GATAD2A: variants seen among roughly 807,000 people sequenced by gnomAD.
The protein encoded by GATAD2A is GATA zinc finger domain containing 2A.
Under a neutral mutation model 68.5 loss-of-function variants are expected in GATAD2A, and 12 were observed. The ratio of observed to expected loss-of-function variants is 0.18; its 90% CI spans 0.11 to 0.28. The LOEUF (loss-of-function observed/expected upper bound fraction) is 0.28, where lower values mean the gene tolerates loss of function less well. Among genes scored for constraint, GATAD2A ranks in the 10% least tolerant of loss-of-function variants. The probability of loss-of-function intolerance (pLI) is 1.00; values close to 1 mark genes in which losing one functional copy is unlikely to be tolerated. For missense variants in GATAD2A, 755 were observed against 868.5 expected (o/e 0.87, Z 1.64); for synonymous variants, 410 against 375.3 (o/e 1.09, Z -1.07).
chr19:19,393,110 G>A (rs1188136267), intron 1 of GATAD2A, among the ~76,000 whole-genome samples: 1 of 152,160 alleles, frequency 6.6e-6, no homozygotes, highest in Non-Finnish European at 1.5e-5. Flanking sequence ...TTTGAGACCA[G>A]CCTGGCCAAA....
rs1032933229 is a variant in GATAD2A, at chr19:19,505,454, C to G, written c.1885C>G (p.Gln629Glu). 1 of 1,605,344 alleles carries G rather than the reference C, an allele frequency of 6.2e-7. No individual in the cohort carries two copies. ...CATGATCCCACCCCGCTCCATCCCC[C>G]AGTCAGCCACGTGGAAATAGTGCGA... Reference protein sequence around the residue: ...LDMIPPRSIPQSATWK With the variant: ...LDMIPPRSIPESATWK The change falls in exon 12 of 12, where the codon CAG becomes GAG. Residue 629 changes from glutamine to glutamate, a missense_variant. Coordinates refer to ENST00000683918, the MANE Select transcript of GATAD2A (RefSeq NM_001384528.1).
chr19:19,495,819 G>A lies in GATAD2A; in HGVS notation c.690G>A (p.Ala230=), dbSNP rs373244814. 3.3e-5 allele frequency: 53 copies of A among 1,613,530 alleles called. No homozygotes were observed. The highest frequency in any genetic ancestry group is 4.2e-5 in the Non-Finnish European group (49 of 1,179,854). The change falls in exon 6 of 12, where the codon GCG becomes GCA. Residue 230 remains alanine (A), a synonymous_variant. Coordinates refer to ENST00000683918, the MANE Select transcript of GATAD2A (RefSeq NM_001384528.1). ...PPPLVRGGQQ[A]SSKLGPQASS... ...CCCTGGTCCGAGGTGGGCAGCAGGC[G>A]TCCTCGAAGCTGGGGCCACAGGCGA... is the stretch of plus-strand genomic sequence containing the variant.
At chr19:19,496,863 G>A (rs1448999048) in intron 7 of GATAD2A, among the ~76,000 whole-genome samples, 2 of 152,306 alleles carry the variant, frequency 1.3e-5, no homozygotes, top group East Asian at 1.9e-4. Flanking sequence ...GTTGGTGGGC[G>A]TGTTCGCTCT....
At chr19:19,466,936 A>C (rs1037259280) in intron 2 of GATAD2A, among the ~76,000 whole-genome samples, 1 of 152,178 alleles carries the variant, frequency 6.6e-6, no homozygotes, top group African/African-American at 2.4e-5. Context: ...GAAGAGGAGG[A>C]GTCCATGTTC....
chr19:19,501,495 A>G (rs893300935), intron 9 of GATAD2A, 79 bp downstream of exon 9: 2 of 1,118,864 alleles, frequency 1.8e-6, no homozygotes, highest in Non-Finnish European at 2.5e-6. Context: ...CCTGCGCTGC[A>G]CCGCCTGATT....
At chr19:19,499,996 G>T (rs2060416401) in intron 8 of GATAD2A, among the ~76,000 whole-genome samples, 1 of 152,206 alleles carries the variant, frequency 6.6e-6, no homozygotes, top group Non-Finnish European at 1.5e-5. Context: ...AGGAAATGAG[G>T]ATTGGGGGCC....
At chr19:19,440,692 C>T (rs1156334664) in intron 1 of GATAD2A, among the ~76,000 whole-genome samples, 1 of 152,136 alleles carries the variant, frequency 6.6e-6, no homozygotes, top group African/African-American at 2.4e-5. Context: ...AATTATAAAA[C>T]AAAAGCCAAG....
intron 1 of GATAD2A, among the ~76,000 whole-genome samples, chr19:19,393,777 T>C (rs1223419353): frequency 6.6e-6 from 1 of 152,150 alleles, no homozygotes; most frequent in Non-Finnish European, 1.5e-5. Flanking sequence ...TTATGGCATT[T>C]TCCTACTTGA....
chr19:19,465,642 C>A, intron 2 of GATAD2A, 28 bp downstream of exon 2: 1 of 1,570,058 alleles, frequency 6.4e-7, no homozygotes. Context: ...GCGGGAGGGG[C>A]TGGAACCTGG....
intron 8 of GATAD2A, among the ~76,000 whole-genome samples, chr19:19,499,893 G>A (rs1188241176): frequency 6.6e-6 from 1 of 152,244 alleles, no homozygotes; most frequent in Non-Finnish European, 1.5e-5. Context: ...GGGAGCTATG[G>A]GGAGGTGAGG....
At chr19:19,447,000 T>C (rs1051720619) in intron 1 of GATAD2A, among the ~76,000 whole-genome samples, 4 of 152,262 alleles carry the variant, frequency 2.6e-5, no homozygotes, top group African/African-American at 9.6e-5. Flanking sequence ...CAAATGCGTA[T>C]ACATTGCTTC....
Position 19,507,608 on chromosome 19 carries a change from C to G in GATAD2A, c.*2134C>G, listed in dbSNP as rs908103772. On this transcript the variant is annotated 3_prime_UTR_variant, in exon 12 of 12. Transcript: ENST00000683918. ...GCTCCAGCTCCTGACCTCTCCCAGC[C>G]TGGCCTGGCTGTTCCTCCAGGGCTG... is the stretch of plus-strand genomic sequence containing the variant. The G allele has an allele frequency of 1.3e-5, 2 of 152,478 alleles. No homozygotes were observed. The highest frequency in any genetic ancestry group is 6.5e-5 in the Admixed American group (1 of 15,284). The allele number at this position is 152,478 out of a possible 1,614,324, so 9.4% of individuals were successfully genotyped here.
intron 4 of GATAD2A, among the ~76,000 whole-genome samples, chr19:19,493,143 A>G (rs532109825): frequency 9.9e-5 from 15 of 152,200 alleles, no homozygotes; most frequent in East Asian, 3.9e-4. Context: ...GTTTCACCAC[A>G]TTGGCCAGGA....
intron 1 of GATAD2A, among the ~76,000 whole-genome samples, chr19:19,456,082 A>T (rs2056896886): frequency 6.6e-6 from 1 of 150,418 alleles, no homozygotes; most frequent in Non-Finnish European, 1.5e-5. Context: ...TGAACACGGG[A>T]GGCAGAGTTT....
At chr19:19,489,932 TACACGTCCAGGGAACC>T (rs1317261753) in intron 2 of GATAD2A, among the ~76,000 whole-genome samples, 1 of 152,336 alleles carries the variant, frequency 6.6e-6, no homozygotes, top group African/African-American at 2.4e-5. Context: ...TCAGTGTGTG[TACACGTCCAGGGAACC>T]TGGAATTAGA....
At chr19:19,426,918 C>T (rs1259190186) in intron 1 of GATAD2A, among the ~76,000 whole-genome samples, 1 of 152,188 alleles carries the variant, frequency 6.6e-6, no homozygotes, top group Non-Finnish European at 1.5e-5. Context: ...AGTTTCAGAA[C>T]CATGCTTTGT....
chr19:19,424,843 G>A (rs2052877093), intron 1 of GATAD2A, among the ~76,000 whole-genome samples: 1 of 152,012 alleles, frequency 6.6e-6, no homozygotes, highest in Non-Finnish European at 1.5e-5. Context: ...GCTGGGTGTG[G>A]TGGCTTGTGC....
At chr19:19,502,845 A>AGAG (rs2060629591) in intron 11 of GATAD2A, among the ~76,000 whole-genome samples, 1 of 152,174 alleles carries the variant, frequency 6.6e-6, no homozygotes, top group Non-Finnish European at 1.5e-5. Context: ...ACACACCCCT[A>AGAG]TCTTGCCCAC....
chr19:19,439,353 A>G (rs1360975082), intron 1 of GATAD2A, among the ~76,000 whole-genome samples: 1 of 152,206 alleles, frequency 6.6e-6, no homozygotes, highest in Non-Finnish European at 1.5e-5. Context: ...AGGACAGGTA[A>G]TGCACATGGG....
Sources: gnomAD v4.1 joint callset for allele counts (sites outside exome capture counted in the v4.1 genomes callset) on GRCh38, gnomAD v4.1.1 for gene constraint, MANE v1.5 for transcripts, NCBI Gene and HGNC (gene_info 2026-07-23, HGNC 2026-07-21) for gene names.